The following KHDRBS2 variants were observed in gnomAD, a reference collection of about 807,000 sequenced individuals.
KHDRBS2 encodes the protein KH domain-containing, RNA-binding, signal transduction-associated protein 2.
A neutral mutation model predicts 44.3 loss-of-function variants in KHDRBS2; 26 were observed. That is an observed-to-expected ratio of 0.59 (90% CI 0.43 to 0.81). The LOEUF (loss-of-function observed/expected upper bound fraction) is 0.81. Among genes scored for constraint, KHDRBS2 ranks in the 40% least tolerant of loss-of-function variants. KHDRBS2 has a pLI of 0.00. For synonymous variants in KHDRBS2, 194 were observed against 151.1 expected, an observed-to-expected ratio of 1.28 and a Z score of -2.08; for missense variants, 476 against 433.1, an observed-to-expected ratio of 1.10 and a Z score of -0.88.
At chr6:62,175,203 C>T (rs577075581) in intron 2 of KHDRBS2, among the ~76,000 whole-genome samples, 4 of 151,534 alleles carry the variant, frequency 2.6e-5, no homozygotes, top group Non-Finnish European at 5.9e-5. Context: ...TCAAAAAGCT[C>T]TAAAGTTATC....
At chr6:61,630,420 T>A in the KHDRBS2 span, 1 of 152,004 alleles carries the variant, frequency 6.6e-6, no homozygotes, top group Non-Finnish European at 1.5e-5. Flanking sequence ...AATGGCTGCA[T>A]TTTGGTGAAG....
chr6:62,128,276 A>T (rs1809442575), intron 2 of KHDRBS2, among the ~76,000 whole-genome samples: 1 of 152,052 alleles, frequency 6.6e-6, no homozygotes, highest in Non-Finnish European at 1.5e-5. Flanking sequence ...TAAAATGGGG[A>T]TATAATCAGT....
intron 1 of KHDRBS2, among the ~76,000 whole-genome samples, chr6:62,250,499 G>T (rs977692156): frequency 1.3e-5 from 2 of 151,920 alleles, no homozygotes; most frequent in East Asian, 1.9e-4. Flanking sequence ...CAAAAGAAAG[G>T]CAGGAAGTAA....
chr6:62,203,658 A>AGG (rs1453960875), intron 1 of KHDRBS2, among the ~76,000 whole-genome samples: 1 of 152,140 alleles, frequency 6.6e-6, no homozygotes, highest in Admixed American at 6.6e-5. Context: ...GGAGTGCACA[A>AGG]GGGGTAGCCA....
chr6:61,796,755 A>G lies in KHDRBS2; in HGVS notation c.811-63991T>C, dbSNP rs1407593963. On this transcript the variant is annotated intron_variant, in intron 6 of 8. Transcript: ENST00000281156. ...TATGACTATTTCTGAAAGGGGCTAT[A>G]TACTTGATTCTGACAGACATTTAAA... is the stretch of plus-strand genomic sequence containing the variant. 9.2e-5 allele frequency among the ~76,000 whole-genome samples: 14 copies of G among 152,270 alleles called. No individual in the cohort carries two copies. In the East Asian group the frequency reaches 2.7e-3, roughly 29 times the overall value.
the KHDRBS2 span, among the ~76,000 whole-genome samples, chr6:61,573,532 G>A: frequency 6.6e-6 from 1 of 152,164 alleles, no homozygotes; most frequent in African/African-American, 2.4e-5. Context: ...GCTCACACCT[G>A]TAATCCCAAC....
intron 7 of KHDRBS2, among the ~76,000 whole-genome samples, chr6:61,712,135 T>C (rs1281014963): frequency 1.3e-5 from 2 of 151,726 alleles, no homozygotes; most frequent in Non-Finnish European, 2.9e-5. Context: ...CGGAAACACA[T>C]AAACCTCCTA....
chr6:62,039,345 A>AAT lies in KHDRBS2; in HGVS notation c.336+8531_336+8532dup, dbSNP rs1052998965. On this transcript the variant is annotated intron_variant, in intron 3 of 8. Coordinates refer to ENST00000281156, the MANE Select transcript of KHDRBS2 (RefSeq NM_152688.4). ...TTGATCGCCATTAGAGGACAGCAGA[A>AAT]ATATATATATATAGAATTTCATACA... 1.0e-3 allele frequency among the ~76,000 whole-genome samples: 153 copies of AAT among 151,170 alleles called. 2 individuals carry two copies. In the South Asian group the frequency reaches 0.018, roughly 18 times the overall value.
chr6:61,691,057 C>T (rs1348981380), intron 8 of KHDRBS2, among the ~76,000 whole-genome samples: 1 of 151,936 alleles, frequency 6.6e-6, no homozygotes, highest in East Asian at 1.9e-4. Flanking sequence ...GTGATAGATC[C>T]AGTCTGGTAT....
At position 61,895,680 on chromosome 6, in the gene KHDRBS2, T is replaced by G. The variant is rs567497282; in HGVS notation, c.612-847A>C. On this transcript the variant is annotated intron_variant, in intron 5 of 8. Coordinates refer to ENST00000281156, the MANE Select transcript of KHDRBS2 (RefSeq NM_152688.4). ...AATGGTTGAGTGTTTGTCTGAAGTC[T>G]TTGGGCAAAAGAACAGTTATTTCAC... is the stretch of plus-strand genomic sequence containing the variant. 4.6e-4 allele frequency among the ~76,000 whole-genome samples: 70 copies of G among 152,298 alleles called. No individual in the cohort carries two copies. In the South Asian group the frequency reaches 0.015, roughly 32 times the overall value.
chr6:61,648,395 AG>A, the KHDRBS2 span, among the ~76,000 whole-genome samples: 2 of 152,174 alleles, frequency 1.3e-5, no homozygotes, highest in African/African-American at 4.8e-5. Context: ...GAAAATGAAA[AG>A]TATCCTAACC....
chr6:62,248,388 T>C (rs1835970057), intron 1 of KHDRBS2, among the ~76,000 whole-genome samples: 3 of 152,174 alleles, frequency 2.0e-5, no homozygotes, highest in Admixed American at 2.0e-4. Flanking sequence ...TAACAGAGTC[T>C]TGCTCTGTCA....
intron 4 of KHDRBS2, among the ~76,000 whole-genome samples, chr6:61,942,299 T>C (rs770655952): frequency 1.3e-5 from 2 of 152,030 alleles, no homozygotes; most frequent in Non-Finnish European, 2.9e-5. Context: ...CTCAATTATA[T>C]ATAAGACAAT....
At chr6:61,709,120 A>G (rs912749460) in intron 7 of KHDRBS2, among the ~76,000 whole-genome samples, 3 of 151,652 alleles carry the variant, frequency 2.0e-5, no homozygotes, top group Non-Finnish European at 4.4e-5. Context: ...AATAACTATT[A>G]ATAATTGGTA....
chr6:61,770,557 G>A (rs1440222049), intron 6 of KHDRBS2, among the ~76,000 whole-genome samples: 6 of 152,166 alleles, frequency 3.9e-5, no homozygotes, highest in Admixed American at 6.5e-5. Context: ...CTCAGTAGAC[G>A]ATGCGATCAA....
At chr6:61,904,844 T>C (rs1804670504) in intron 4 of KHDRBS2, among the ~76,000 whole-genome samples, 1 of 152,184 alleles carries the variant, frequency 6.6e-6, no homozygotes, top group Non-Finnish European at 1.5e-5. Flanking sequence ...ATAACTCTTA[T>C]ATGTTCAATC....
chr6:61,868,489 G>C (rs960765394), intron 6 of KHDRBS2, among the ~76,000 whole-genome samples: 1 of 152,214 alleles, frequency 6.6e-6, no homozygotes, highest in Non-Finnish European at 1.5e-5. Flanking sequence ...TAAGAACTCT[G>C]TCCATAGAAT....
At chr6:61,956,335 A>C (rs1767298665) in intron 4 of KHDRBS2, among the ~76,000 whole-genome samples, 1 of 152,216 alleles carries the variant, frequency 6.6e-6, no homozygotes, top group African/African-American at 2.4e-5. Flanking sequence ...ACCATCAACT[A>C]GCACACTTAA....
At chr6:61,702,568 G>A (rs1768857273) in intron 7 of KHDRBS2, among the ~76,000 whole-genome samples, 1 of 151,878 alleles carries the variant, frequency 6.6e-6, no homozygotes, top group African/African-American at 2.4e-5. Context: ...ATGAATAAAT[G>A]TTTTAATTTT....
Sources: gnomAD v4.1 joint callset for allele counts (sites outside exome capture counted in the v4.1 genomes callset) on GRCh38, gnomAD v4.1.1 for gene constraint, MANE v1.5 for transcripts, NCBI Gene and HGNC (gene_info 2026-07-23, HGNC 2026-07-21) for gene names.